The following ATP1A2 variants were observed in gnomAD, a reference collection of about 807,000 sequenced individuals.
The protein encoded by ATP1A2 is ATPase Na+/K+ transporting subunit alpha 2.
ATP1A2 carries 56 observed loss-of-function variants against 113.1 expected under a neutral mutation model. The ratio of observed to expected loss-of-function variants is 0.49; its 90% confidence interval spans 0.40 to 0.62. ATP1A2 has a LOEUF of 0.62. ATP1A2 is among the 20% of genes least tolerant of loss of function. The pLI is 0.00. For missense variants in ATP1A2, 712 were observed against 1,357.8 expected, an observed-to-expected ratio of 0.52 and a Z score of 7.47; for synonymous variants, 490 against 526.8, an observed-to-expected ratio of 0.93 and a Z score of 0.96.
Position 160,135,027 on chromosome 1 carries a change from C to T in ATP1A2, c.1965-118C>T. On this transcript the variant is annotated intron_variant, in intron 14 of 22. Coordinates refer to ENST00000361216, the MANE Select transcript of ATP1A2 (RefSeq NM_000702.4). The surrounding 1 kb of genome is among the most constrained non-coding windows in gnomAD (Gnocchi z 6.3). Reference sequence around the variant, plus strand: ...ACTGAGGAGAGGAGAACTGAAGCAACAGGGGAAGCAGGCTCAGCAGGGAGC... The same window carrying T: ...ACTGAGGAGAGGAGAACTGAAGCAATAGGGGAAGCAGGCTCAGCAGGGAGC... 1 of 1,336,588 alleles carries T rather than the reference C, an allele frequency of 7.5e-7. No homozygotes were observed. Among genetic ancestry groups the T allele is most frequent in the South Asian group, 1.2e-5 (1 of 81,386 alleles). The allele number at this position is 1,336,588 out of a possible 1,614,324, so 82.8% of individuals were successfully genotyped here. A position where few individuals can be genotyped will look rare whatever the true frequency, so the allele number is the denominator to read the frequency against.
chr1:160,130,878 C>A (rs1651750545), intron 13 of ATP1A2, among the ~76,000 whole-genome samples: 1 of 152,190 alleles, frequency 6.6e-6, no homozygotes, highest in Non-Finnish European at 1.5e-5. Flanking sequence ...TGATTTGAAG[C>A]ATAATCTGGC....
chr1:160,134,366 T>C, intron 13 of ATP1A2, 118 bp from the exon 14 acceptor site: 2 of 1,466,674 alleles, frequency 1.4e-6, no homozygotes, highest in South Asian at 2.4e-5. Flanking sequence ...CTTATTTCGG[T>C]TGGGATCTGC....
At chr1:160,129,207 C>G in intron 10 of ATP1A2, 59 bp from the exon 11 acceptor site, 1 of 1,613,294 alleles carries the variant, frequency 6.2e-7, no homozygotes, top group Non-Finnish European at 8.5e-7. Flanking sequence ...GCCGCCTTCA[C>G]CTGATCCTCC....
At chr1:160,136,528 C>T (rs1281818218) in intron 18 of ATP1A2, 42 bp from the exon 19 acceptor site, 1 of 1,614,140 alleles carries the variant, frequency 6.2e-7, no homozygotes, top group East Asian at 2.2e-5. Context: ...CCTTCTGCTT[C>T]CTGCTCTGAC....
intron 13 of ATP1A2, among the ~76,000 whole-genome samples, chr1:160,131,202 C>G (rs1019390715): frequency 6.6e-6 from 1 of 152,192 alleles, no homozygotes; most frequent in Non-Finnish European, 1.5e-5. Flanking sequence ...TCACATGACA[C>G]ATCTAGATGG....
At position 160,143,268 on chromosome 1, in the gene ATP1A2, A is replaced by G. The variant is rs1652209371; in HGVS notation, c.*1946A>G. 1 of 152,270 alleles carries G rather than the reference A, an allele frequency of 6.6e-6. No homozygotes were observed. The highest frequency in any genetic ancestry group is 2.4e-5 in the African/African-American group (1 of 41,434). The allele number at this position is 152,270 out of a possible 1,614,324, so 9.4% of individuals were successfully genotyped here. On this transcript the variant is annotated 3_prime_UTR_variant, in exon 23 of 23. Coordinates refer to ENST00000361216, the MANE Select transcript of ATP1A2 (RefSeq NM_000702.4). Reference sequence around the variant, plus strand: ...TAAGTGGGAGACAATATTAATTTGGATCCGATTAATTGGAGATTACTAACT... The same window carrying G: ...TAAGTGGGAGACAATATTAATTTGGGTCCGATTAATTGGAGATTACTAACT...
At chr1:160,124,766 A>C (rs1321656) in intron 6 of ATP1A2, among the ~76,000 whole-genome samples, 148,363 of 152,294 alleles carry the variant, frequency 0.97, 72,380 homozygotes, top group East Asian at 1. Context: ...AGGGCTGCTG[A>C]ATGTGGCCAC....
intron 20 of ATP1A2, among the ~76,000 whole-genome samples, chr1:160,138,033 T>C (rs1026279361): frequency 6.6e-6 from 1 of 152,190 alleles, no homozygotes; most frequent in Admixed American, 6.5e-5. Context: ...GGCCTGGGAC[T>C]TGCTATGCAC....
chr1:160,125,245 G>C lies in ATP1A2; in HGVS notation c.740G>C (p.Cys247Ser). The change falls in exon 7 of 23, where the codon TGT (cysteine) becomes TCT (serine). Residue 247 changes from cysteine (C) to serine (S), a missense_variant. Physicochemically the swap from Cys to Ser is moderately radical, Grantham distance 112. This residue lies in a region of ATP1A2 where 99 missense variants were observed against 180.4 expected (regional missense o/e 0.55). Transcript: ENST00000361216. ...AATATCTGTTTCTTCTCCACCAACTGTGTTGAAGGTGAGAAGCCAGGCTGC... is the reference window on the plus strand; with the variant it reads ...AATATCTGTTTCTTCTCCACCAACTCTGTTGAAGGTGAGAAGCCAGGCTGC... Reference protein sequence around the residue: ...TRNICFFSTNCVEGTARGIVI... With the variant: ...TRNICFFSTNSVEGTARGIVI... 1.2e-6 allele frequency: 2 copies of C among 1,613,692 alleles called. No homozygotes were observed. The highest frequency in any genetic ancestry group is 1.1e-5 in the South Asian group (1 of 91,080).
chr1:160,130,289 T>C lies in ATP1A2; in HGVS notation c.1649T>C (p.Leu550Pro). The change falls in exon 12 of 23, where the codon CTG becomes CCG. Residue 550 changes from leucine (L) to proline (P), a missense_variant and splice_region_variant. Physicochemically the swap from Leu to Pro is moderately conservative, Grantham distance 98 (BLOSUM62 -3). Around this residue, in one of 6 missense-constraint regions of ATP1A2, gnomAD observed 263 missense variants for 380.6 expected, o/e 0.69. Transcript: ENST00000361216. ...CTGGGGGGACTTGGGGAGCGTGTGC[T>C]GGGTGAGAGGCCAGAAACAGGAGGC... ...MELGGLGERV[L>P]GFCQLNLPSG... 6.2e-7 allele frequency: 1 copy of C among 1,614,030 alleles called. No individual in the cohort carries two copies. The highest frequency in any genetic ancestry group is 8.5e-7 in the Non-Finnish European group (1 of 1,179,990).
intron 8 of ATP1A2, among the ~76,000 whole-genome samples, chr1:160,128,178 G>C (rs181820361): frequency 5.9e-5 from 9 of 152,256 alleles, no homozygotes; most frequent in African/African-American, 2.2e-4. Context: ...CCCTAACTCT[G>C]CTGCTGAAAC....
At chr1:160,134,294 C>CA (rs1380804182) in intron 13 of ATP1A2, among the ~76,000 whole-genome samples, 190 bp from the exon 14 acceptor site, 3 of 151,132 alleles carry the variant, frequency 2.0e-5, no homozygotes, top group African/African-American at 7.3e-5. Flanking sequence ...CACACACATA[C>CA]ACACACACAC....
chr1:160,122,928 T>C (rs1248384699), intron 3 of ATP1A2, among the ~76,000 whole-genome samples: 1 of 152,172 alleles, frequency 6.6e-6, no homozygotes, highest in Admixed American at 6.5e-5. Flanking sequence ...TTATCCAGAC[T>C]GCCTCCAGGG....
At chr1:160,137,699 T>C (rs1651998991) in intron 20 of ATP1A2, among the ~76,000 whole-genome samples, 1 of 152,186 alleles carries the variant, frequency 6.6e-6, no homozygotes, top group African/African-American at 2.4e-5. Flanking sequence ...CAGTAATGAC[T>C]GTGATTCTAT....
intron 13 of ATP1A2, among the ~76,000 whole-genome samples, chr1:160,131,368 G>A (rs1651765481): frequency 6.6e-6 from 1 of 152,206 alleles, no homozygotes; most frequent in Non-Finnish European, 1.5e-5. Context: ...AAAGTAACAT[G>A]CCAAGGCCAC....
intron 20 of ATP1A2, among the ~76,000 whole-genome samples, chr1:160,139,066 T>C (rs12407381): frequency 0.13 from 19,184 of 152,278 alleles, 1,302 homozygotes; most frequent in Non-Finnish European, 0.13. Context: ...AGACACCACC[T>C]GTCTGACTGC....
At chr1:160,119,842 A>AAAG (rs1553243888) in intron 1 of ATP1A2, among the ~76,000 whole-genome samples, 22 of 147,996 alleles carry the variant, frequency 1.5e-4, no homozygotes, top group African/African-American at 5.0e-4. Flanking sequence ...AAAAAAAAAA[A>AAAG]AAAGAAAGAA....
intron 1 of ATP1A2, among the ~76,000 whole-genome samples, chr1:160,119,749 C>T (rs186865930): frequency 1.5e-4 from 22 of 150,638 alleles, no homozygotes; most frequent in Admixed American, 1.5e-3. Context: ...CAGTGGCTCA[C>T]ACCTATAATC....
intron 1 of ATP1A2, among the ~76,000 whole-genome samples, chr1:160,119,226 A>C (rs1651289682): frequency 6.7e-6 from 1 of 149,168 alleles, no homozygotes; most frequent in African/African-American, 2.5e-5. Flanking sequence ...TTTAAAATGC[A>C]AACAAAACCC....
Sources: allele counts gnomAD v4.1 joint callset (sites outside exome capture counted in the v4.1 genomes callset), GRCh38; gene constraint gnomAD v4.1.1; regional missense constraint gnomAD v4.1.1; non-coding constraint Gnocchi (gnomAD v3.1); transcripts MANE v1.5; gene names NCBI Gene and HGNC (gene_info 2026-07-23, HGNC 2026-07-21).